Variants in CHST9 observed in about 807,000 individuals in gnomAD.
CHST9 encodes GalNAc-4-sulfotransferase 2.
CHST9 carries 41 observed loss-of-function variants against 44.4 expected under a neutral mutation model. The observed-to-expected ratio is 0.92, with a 90% CI of 0.72 to 1.20. The LOEUF (loss-of-function observed/expected upper bound fraction) is 1.20, where lower values mean the gene tolerates loss of function less well. CHST9 is among the 50% of genes most tolerant of loss of function. CHST9 has a pLI of 0.00. For synonymous variants in CHST9, 171 were observed against 178.4 expected (o/e 0.96, Z 0.33); for missense variants, 504 against 516.5 (o/e 0.98, Z 0.23).
chr18:27,144,424 A>T (rs2058595232), intron 1 of CHST9, among the ~76,000 whole-genome samples: 1 of 152,188 alleles, frequency 6.6e-6, no homozygotes, highest in Non-Finnish European at 1.5e-5. Flanking sequence ...CATGCCTGTA[A>T]TCCTAACACT....
At chr18:27,147,929 C>A (rs1485909186) in intron 1 of CHST9, among the ~76,000 whole-genome samples, 1 of 147,728 alleles carries the variant, frequency 6.8e-6, no homozygotes, top group Non-Finnish European at 1.5e-5. Flanking sequence ...ACTCACGTAA[C>A]AGGGGTTTGT....
chr18:27,006,048 C>G (rs1178055168), intron 4 of CHST9, among the ~76,000 whole-genome samples: 2 of 152,126 alleles, frequency 1.3e-5, no homozygotes, highest in Non-Finnish European at 2.9e-5. Context: ...TGTTTTTTCT[C>G]ACTTGCACTC....
chr18:26,937,806 T>C (rs755866888), intron 5 of CHST9, among the ~76,000 whole-genome samples: 7 of 152,210 alleles, frequency 4.6e-5, no homozygotes, highest in Non-Finnish European at 8.8e-5. Flanking sequence ...TTGTCAAGCA[T>C]TTAATAATAA....
chr18:27,155,114 CCT>C (rs1440650306), intron 1 of CHST9, among the ~76,000 whole-genome samples: 3 of 147,742 alleles, frequency 2.0e-5, no homozygotes, highest in African/African-American at 7.5e-5. Flanking sequence ...AAAGAAGTAA[CCT>C]CTATGTGCTT....
At chr18:27,155,100 AAAAAAAG>A (rs2058688651) in intron 1 of CHST9, among the ~76,000 whole-genome samples, 1 of 142,538 alleles carries the variant, frequency 7.0e-6, no homozygotes, top group African/African-American at 2.5e-5. Context: ...AAAAAAAAAA[AAAAAAAG>A]AAGTAACCTC....
intron 3 of CHST9, among the ~76,000 whole-genome samples, chr18:27,024,826 C>T (rs1568137920): frequency 3.3e-5 from 5 of 152,080 alleles, no homozygotes; most frequent in South Asian, 2.1e-4. Context: ...TAAGGTTTTC[C>T]TTGAACGGGT....
chr18:27,115,646 C>G (rs954695084), intron 2 of CHST9, among the ~76,000 whole-genome samples: 4 of 152,094 alleles, frequency 2.6e-5, no homozygotes, highest in Non-Finnish European at 1.5e-5. Context: ...TGCTGTGTAG[C>G]TGGTACCACA....
intron 2 of CHST9, among the ~76,000 whole-genome samples, chr18:27,077,624 G>A (rs1481368807): frequency 6.6e-6 from 1 of 152,104 alleles, no homozygotes; most frequent in Non-Finnish European, 1.5e-5. Context: ...CGGGAATGTG[G>A]GGGAATGATG....
chr18:26,954,723 T>G (rs2056298558), intron 4 of CHST9, among the ~76,000 whole-genome samples: 1 of 152,192 alleles, frequency 6.6e-6, no homozygotes, highest in African/African-American at 2.4e-5. Context: ...TCTCTTCTTG[T>G]GATTCTTGAT....
chr18:27,036,121 G>T (rs766395988), intron 3 of CHST9, among the ~76,000 whole-genome samples: 20 of 152,090 alleles, frequency 1.3e-4, no homozygotes, highest in Non-Finnish European at 2.8e-4. Context: ...GAGTGTAACA[G>T]TACGTATGAT....
chr18:27,137,616 T>C (rs1284694213), intron 2 of CHST9, among the ~76,000 whole-genome samples: 2 of 152,106 alleles, frequency 1.3e-5, no homozygotes, highest in Non-Finnish European at 2.9e-5. Flanking sequence ...GAGAAGGTTT[T>C]GTTAAAGGAA....
chr18:27,057,873 G>A (rs575715035), intron 2 of CHST9, among the ~76,000 whole-genome samples: 1 of 152,310 alleles, frequency 6.6e-6, no homozygotes, highest in African/African-American at 2.4e-5. Context: ...ACAGTTTTAG[G>A]TTGTCTTGGA....
chr18:26,971,741 C>CA (rs1251727887), intron 4 of CHST9, among the ~76,000 whole-genome samples: 3 of 152,136 alleles, frequency 2.0e-5, no homozygotes, highest in African/African-American at 7.2e-5. Flanking sequence ...GCAAGTCACA[C>CA]AGCCACGCCC....
intron 2 of CHST9, among the ~76,000 whole-genome samples, chr18:27,076,051 C>T (rs923917808): frequency 2.0e-5 from 3 of 152,176 alleles, no homozygotes; most frequent in East Asian, 1.9e-4. Context: ...CCATTGTTAT[C>T]GCATCCTCCG....
chr18:26,958,918 CAAAAAACTT>C (rs1256208584), intron 4 of CHST9, among the ~76,000 whole-genome samples: 1 of 152,094 alleles, frequency 6.6e-6, no homozygotes, highest in Non-Finnish European at 1.5e-5. Context: ...GAAGATTTCT[CAAAAAACTT>C]AAAATGGAAG....
At position 26,916,412 on chromosome 18, in the gene CHST9, G is replaced by T. The variant is rs80190384; in HGVS notation, c.1179C>A (p.Pro393=). 2 of 1,613,578 alleles carry T rather than the reference G, an allele frequency of 1.2e-6. No homozygotes were observed. Among genetic ancestry groups the T allele is most frequent in the East Asian group, 2.2e-5 (1 of 44,882 alleles). Residue 393 remains proline, a synonymous_variant, in exon 6 of 6, where the codon CCC becomes CCA. Transcript: ENST00000618847. ...CGGAAGAGTGCCTATCCTTAAAGTTGGGAAATTTCAGCTCCTTTGGAGCAC... is the reference window on the plus strand; with the variant it reads ...CGGAAGAGTGCCTATCCTTAAAGTTTGGAAATTTCAGCTCCTTTGGAGCAC... ...MIGAPKELKF[P]NFKDRHSSDE...
chr18:27,161,791 C>A (rs201843992), intron 1 of CHST9, among the ~76,000 whole-genome samples: 1 of 151,996 alleles, frequency 6.6e-6, no homozygotes, highest in Non-Finnish European at 1.5e-5. Flanking sequence ...TCTGGGTGCT[C>A]CTGTATTGTG....
At chr18:27,144,829 A>G (rs2058598290) in intron 1 of CHST9, among the ~76,000 whole-genome samples, 1 of 152,188 alleles carries the variant, frequency 6.6e-6, no homozygotes, top group South Asian at 2.1e-4. Context: ...AATCAGAACA[A>G]GAGATGACTC....
chr18:26,949,247 T>C (rs74533365), intron 4 of CHST9, among the ~76,000 whole-genome samples: 24,409 of 151,936 alleles, frequency 0.16, 2,079 homozygotes, highest in East Asian at 0.24. Context: ...ATTTCTGAAG[T>C]AGGTTCTGGA....
Sources: gnomAD v4.1 joint callset for allele counts (sites outside exome capture counted in the v4.1 genomes callset) on GRCh38, gnomAD v4.1.1 for gene constraint, MANE v1.5 for transcripts, NCBI Gene and HGNC (gene_info 2026-07-23, HGNC 2026-07-21) for gene names.